KCNH8: variants seen among roughly 807,000 people sequenced by gnomAD.
KCNH8 encodes potassium voltage-gated channel subfamily H member 8.
KCNH8 carries 70 observed loss-of-function variants against 103.6 expected under a neutral mutation model. The ratio of observed to expected loss-of-function variants is 0.68; its 90% CI spans 0.56 to 0.82. KCNH8 has a LOEUF of 0.82. Among genes scored for constraint, KCNH8 ranks in the 40% least tolerant of loss-of-function variants. KCNH8 has a pLI of 0.00. For synonymous variants in KCNH8, 498 were observed against 489.4 expected, an observed-to-expected ratio of 1.02 and a Z score of -0.23; for missense variants, 1,217 against 1,329.9, an observed-to-expected ratio of 0.92 and a Z score of 1.32.
At chr3:19,317,918 G>T (rs2065295362) in intron 3 of KCNH8, among the ~76,000 whole-genome samples, 1 of 151,898 alleles carries the variant, frequency 6.6e-6, no homozygotes, top group African/African-American at 2.4e-5. Flanking sequence ...ACTGGCACAA[G>T]ACAAGGATGC....
At chr3:19,314,611 C>A (rs1448361125) in intron 3 of KCNH8, among the ~76,000 whole-genome samples, 1 of 151,866 alleles carries the variant, frequency 6.6e-6, no homozygotes, top group Non-Finnish European at 1.5e-5. Context: ...CAAAAAACCC[C>A]ACAGTACTTA....
At chr3:19,383,962 T>C (rs180836391) in intron 5 of KCNH8, among the ~76,000 whole-genome samples, 18 of 152,298 alleles carry the variant, frequency 1.2e-4, no homozygotes, top group Non-Finnish European at 2.4e-4. Context: ...GATTAAATTT[T>C]TCCAAAGTTC....
At chr3:19,454,751 T>C (rs948635024) in intron 10 of KCNH8, among the ~76,000 whole-genome samples, 1 of 152,176 alleles carries the variant, frequency 6.6e-6, no homozygotes, top group African/African-American at 2.4e-5. Flanking sequence ...AGTTTCTCCA[T>C]AAATTGTGAT....
At chr3:19,335,125 T>G (rs1157569894) in intron 3 of KCNH8, among the ~76,000 whole-genome samples, 1 of 151,978 alleles carries the variant, frequency 6.6e-6, no homozygotes, top group Non-Finnish European at 1.5e-5. Context: ...TAAGGCTGTT[T>G]CCTTAGTTAC....
chr3:19,253,992 A>G, intron 2 of KCNH8, 105 bp downstream of exon 2: 1 of 736,774 alleles, frequency 1.4e-6, no homozygotes, highest in Non-Finnish European at 2.3e-6. Context: ...GGCATTTCAC[A>G]TACATGCAGG....
chr3:19,266,150 G>T (rs892780565), intron 2 of KCNH8, among the ~76,000 whole-genome samples: 1 of 151,964 alleles, frequency 6.6e-6, no homozygotes, highest in Non-Finnish European at 1.5e-5. Flanking sequence ...TGCCTTTCAG[G>T]ATAAATAAAA....
rs1487584254 is a variant in KCNH8 at position 19,284,548 on chromosome 3, TGTGTGAGGGA to T, written c.442+3221_442+3230del. Among the ~76,000 whole-genome samples, 128 of 146,906 alleles carry T rather than the reference TGTGTGAGGGA, an allele frequency of 8.7e-4. 1 individual carries two copies. Among genetic ancestry groups the T allele is most frequent in the African/African-American group, 2.8e-3 (105 of 37,900 alleles). On this transcript the variant is annotated intron_variant, in intron 3 of 15. Coordinates refer to ENST00000328405, the MANE Select transcript of KCNH8 (RefSeq NM_144633.3). Reference sequence around the variant, plus strand: ...GTGTGTGTGTGTGTGTGTGTGTGTGTGTGTGAGGGAGAGAGAGAGAGAAAGAGAGAGACAG... The same window carrying T: ...GTGTGTGTGTGTGTGTGTGTGTGTGTGAGAGAGAGAGAAAGAGAGAGACAG...
chr3:19,219,577 C>T (rs568602716), intron 1 of KCNH8, among the ~76,000 whole-genome samples: 54 of 152,280 alleles, frequency 3.5e-4, no homozygotes, highest in African/African-American at 9.9e-4. Flanking sequence ...GGTGGGAGAA[C>T]GGCAAAACAT....
chr3:19,421,073 CT>C (rs1331363944), intron 7 of KCNH8, among the ~76,000 whole-genome samples: 1 of 152,034 alleles, frequency 6.6e-6, no homozygotes, highest in Non-Finnish European at 1.5e-5. Context: ...GAATTTGACA[CT>C]TTTTAAAAAA....
chr3:19,439,679 T>C (rs1382161031), intron 8 of KCNH8, among the ~76,000 whole-genome samples: 2 of 152,112 alleles, frequency 1.3e-5, no homozygotes, highest in South Asian at 4.1e-4. Context: ...ATTCAAAATA[T>C]ATTAATAAAG....
At chr3:19,362,361 A>T (rs557154171) in intron 5 of KCNH8, among the ~76,000 whole-genome samples, 72 of 152,242 alleles carry the variant, frequency 4.7e-4, no homozygotes, top group African/African-American at 1.7e-3. Flanking sequence ...ACTAGGAAAT[A>T]TATGGGGGAA....
intron 7 of KCNH8, among the ~76,000 whole-genome samples, chr3:19,402,990 T>C (rs1436718740): frequency 6.6e-6 from 1 of 151,860 alleles, no homozygotes; most frequent in Non-Finnish European, 1.5e-5. Context: ...TATTCAATAG[T>C]CTATTCTTTT....
At position 19,289,657 on chromosome 3, in the gene KCNH8, C is replaced by T. The variant is rs561255685; in HGVS notation, c.442+8328C>T. ...TGTAGTATAGTTTGAAGTCAGGTAG[C>T]GTCATGCCTCCAGCTTTTGGCTGGA... On this transcript the variant is annotated intron_variant, in intron 3 of 15. Transcript: ENST00000328405. Among the ~76,000 whole-genome samples, 10 of 152,160 alleles carry T rather than the reference C, an allele frequency of 6.6e-5. No homozygotes were observed. In the South Asian group the frequency reaches 1.2e-3, roughly 19 times the overall value.
At chr3:19,303,304 G>T (rs1407835751) in intron 3 of KCNH8, among the ~76,000 whole-genome samples, 1 of 152,060 alleles carries the variant, frequency 6.6e-6, no homozygotes, top group Non-Finnish European at 1.5e-5. Flanking sequence ...TTTTTAAAAA[G>T]ACATAAACCC....
Position 19,451,424 on chromosome 3 carries a change from C to T in KCNH8, c.1825+20C>T, listed in dbSNP as rs1444830181. On this transcript the variant is annotated intron_variant, in intron 10 of 15. Transcript: ENST00000328405. ...TTCTTGGTAGGTCTGAATTGAAAAACTTGTATGAAATTTGACTCTGGAGCA... is the reference window on the plus strand; with the variant it reads ...TTCTTGGTAGGTCTGAATTGAAAAATTTGTATGAAATTTGACTCTGGAGCA... 3 of 1,607,370 alleles carry T rather than the reference C, an allele frequency of 1.9e-6. No individual in the cohort carries two copies. In the East Asian group the frequency reaches 6.7e-5, roughly 36 times the overall value.
At chr3:19,434,111 G>C (rs2067161672) in intron 7 of KCNH8, among the ~76,000 whole-genome samples, 1 of 152,150 alleles carries the variant, frequency 6.6e-6, no homozygotes, top group Admixed American at 6.5e-5. Context: ...TTGAACTTTT[G>C]TGTAAATCTA....
chr3:19,347,938 A>G lies in KCNH8; in HGVS notation c.784A>G (p.Ile262Val), dbSNP rs753640119. 2 of 1,613,104 alleles carry G rather than the reference A, an allele frequency of 1.2e-6. No homozygotes were observed. Among genetic ancestry groups the G allele is most frequent in the South Asian group, 1.1e-5 (1 of 91,050 alleles). ...AACTCGGAGCACAACCGTCAGTGAC[A>G]TTGCAGTGGAGATTCTTTTTATTAT... is the stretch of plus-strand genomic sequence containing the variant. ...STTRSTTVSD[I>V]AVEILFIIDI... is the part of the protein sequence containing the mutation. The change falls in exon 5 of 16, where the codon ATT (isoleucine) becomes GTT (valine). Residue 262 changes from isoleucine to valine, a missense_variant. By Grantham distance (29) the Ile-to-Val change is conservative (BLOSUM62 3). Around this residue, in one of 3 missense-constraint regions of KCNH8, gnomAD observed 415 missense variants for 577.4 expected, o/e 0.72. Transcript: ENST00000328405.
chr3:19,268,045 T>C (rs922301627), intron 2 of KCNH8, among the ~76,000 whole-genome samples: 15 of 152,150 alleles, frequency 9.9e-5, no homozygotes, highest in African/African-American at 3.6e-4. Context: ...AATAATTTAG[T>C]TCATTATCTG....
intron 1 of KCNH8, among the ~76,000 whole-genome samples, chr3:19,234,812 G>T (rs2125240751): frequency 6.6e-6 from 1 of 152,376 alleles, no homozygotes; most frequent in South Asian, 2.1e-4. Context: ...CGCTGAATTT[G>T]ACCTGCGTAC....
Sources: gnomAD v4.1 joint callset for allele counts (sites outside exome capture counted in the v4.1 genomes callset) on GRCh38, gnomAD v4.1.1 for gene constraint, gnomAD v4.1.1 regional missense constraint, MANE v1.5 for transcripts, NCBI Gene and HGNC (gene_info 2026-07-23, HGNC 2026-07-21) for gene names.